The following EML6 variants were observed in gnomAD, a reference collection of about 807,000 sequenced individuals.
The protein encoded by EML6 is EMAP like 6.
Under a neutral mutation model 240.1 loss-of-function variants are expected in EML6, and 154 were observed. The ratio of observed to expected loss-of-function variants is 0.64; its 90% CI spans 0.56 to 0.73. The LOEUF (loss-of-function observed/expected upper bound fraction) is 0.73. Ranked by LOEUF, EML6 falls within the 30% of genes least tolerant of loss-of-function variation. The pLI is 0.00. For missense variants in EML6, 2,964 were observed against 2,474.6 expected (o/e 1.20, Z -4.20); for synonymous variants, 1,148 against 899.0 (o/e 1.28, Z -4.95).
chr2:54,894,355 G>GT (rs1672646958), intron 19 of EML6, among the ~76,000 whole-genome samples: 1 of 152,020 alleles, frequency 6.6e-6, no homozygotes, highest in Non-Finnish European at 1.5e-5. Context: ...TACTTTCCAG[G>GT]TTTTTGTAAA....
At chr2:54,747,131 C>G (rs1479230472) in intron 2 of EML6, 2 of 152,088 alleles carry the variant, frequency 1.3e-5, no homozygotes, top group African/African-American at 4.8e-5. Context: ...TATTAAATAT[C>G]AAGGAGATAC....
At chr2:54,881,668 A>C (rs1671816729) in intron 17 of EML6, 1 of 151,592 alleles carries the variant, frequency 6.6e-6, no homozygotes, top group Non-Finnish European at 1.5e-5. Context: ...AAAAAAAAAA[A>C]AATTTAAACA....
At position 54,968,731 on chromosome 2, in the gene EML6, G is replaced by C; in HGVS notation, c.5815G>C (p.Asp1939His). The C allele has an allele frequency of 6.4e-7, 1 of 1,550,612 alleles. No homozygotes were observed. Among genetic ancestry groups the C allele is most frequent in the Non-Finnish European group, 8.7e-7 (1 of 1,145,878 alleles). The change falls in exon 41 of 42, where the codon GAC becomes CAC. Residue 1939 changes from aspartate (D) to histidine (H), a missense_variant. Coordinates refer to ENST00000356458, the MANE Select transcript of EML6 (RefSeq NM_001039753.4). The part of the protein sequence containing the change: ...HVTNIRFSYD[D>H]KYVVSTGGDD... ...GACGAACATCCGTTTCTCTTATGAT[G>C]ACAAGTATGTGGTCAGCACTGGAGG... is the stretch of plus-strand genomic sequence containing the variant.
chr2:54,773,737 TAA>T (rs780595939), intron 2 of EML6, among the ~76,000 whole-genome samples: 3 of 152,240 alleles, frequency 2.0e-5, no homozygotes, highest in Non-Finnish European at 4.4e-5. Flanking sequence ...CAGCTAACTT[TAA>T]GTTTGCACAC....
intron 19 of EML6, among the ~76,000 whole-genome samples, chr2:54,893,418 A>T (rs1054381128): frequency 5.3e-5 from 8 of 152,122 alleles, no homozygotes; most frequent in African/African-American, 1.7e-4. Flanking sequence ...GAGGGTCCGA[A>T]ATCATCCTTT....
chr2:54,842,359 T>C (rs943213359), intron 7 of EML6, among the ~76,000 whole-genome samples: 2 of 152,236 alleles, frequency 1.3e-5, no homozygotes, highest in African/African-American at 4.8e-5. Context: ...AGCTGCTTCC[T>C]TAGTCAAATA....
intron 2 of EML6, among the ~76,000 whole-genome samples, chr2:54,740,564 A>G (rs1683585702): frequency 6.6e-6 from 1 of 152,164 alleles, no homozygotes. Flanking sequence ...AGCAATACGA[A>G]TGTCCAAGGG....
chr2:54,916,116 T>C (rs961335362), intron 25 of EML6, among the ~76,000 whole-genome samples: 6 of 152,258 alleles, frequency 3.9e-5, no homozygotes, highest in African/African-American at 1.2e-4. Flanking sequence ...GTAGTCTCTC[T>C]AGAGCATACA....
intron 2 of EML6, among the ~76,000 whole-genome samples, chr2:54,797,982 C>T (rs1669912096): frequency 6.6e-6 from 1 of 151,958 alleles, no homozygotes; most frequent in Non-Finnish European, 1.5e-5. Flanking sequence ...TATTCTAGGA[C>T]CCTTGTACTT....
chr2:54,913,651 A>G (rs2104302171), intron 25 of EML6, among the ~76,000 whole-genome samples: 1 of 152,228 alleles, frequency 6.6e-6, no homozygotes, highest in Middle Eastern at 3.4e-3. Context: ...CCCTTTAGTT[A>G]ATTAAACTCA....
chr2:54,886,485 T>C (rs1470917022), intron 17 of EML6, among the ~76,000 whole-genome samples: 2 of 152,090 alleles, frequency 1.3e-5, no homozygotes, highest in African/African-American at 4.8e-5. Flanking sequence ...CTTTCTTCTA[T>C]TATTCAGCTT....
At chr2:54,868,135 C>G (rs1671068608) in intron 14 of EML6, 1 of 152,110 alleles carries the variant, frequency 6.6e-6, no homozygotes, top group Non-Finnish European at 1.5e-5. Flanking sequence ...ATAGTAATAT[C>G]TTAGATGTGT....
At chr2:54,944,467 C>G (rs1223535262) in intron 28 of EML6, among the ~76,000 whole-genome samples, 1 of 152,110 alleles carries the variant, frequency 6.6e-6, no homozygotes, top group African/African-American at 2.4e-5. Flanking sequence ...AACCACTGCT[C>G]CAGTCAAGTG....
chr2:54,843,679 C>T (rs369296745), intron 7 of EML6, among the ~76,000 whole-genome samples: 52 of 151,934 alleles, frequency 3.4e-4, no homozygotes, highest in African/African-American at 1.3e-3. Context: ...CCCGTCTCCA[C>T]TAAAAATACA....
At chr2:54,945,421 A>T (rs1035035939) in intron 28 of EML6, among the ~76,000 whole-genome samples, 5 of 151,984 alleles carry the variant, frequency 3.3e-5, no homozygotes, top group African/African-American at 9.7e-5. Context: ...TTGTCTGATG[A>T]ACACGACTCA....
At chr2:54,867,461 A>G (rs1029112297) in intron 14 of EML6, 1 of 152,244 alleles carries the variant, frequency 6.6e-6, no homozygotes, top group African/African-American at 2.4e-5. Context: ...GATTCTCACT[A>G]TGATCAACTT....
chr2:54,789,482 C>G (rs1458630511), intron 2 of EML6, among the ~76,000 whole-genome samples: 1 of 135,092 alleles, frequency 7.4e-6, no homozygotes, highest in African/African-American at 2.7e-5. Flanking sequence ...CCACTGCACT[C>G]CCGCCTGGGC....
intron 8 of EML6, among the ~76,000 whole-genome samples, chr2:54,846,432 T>C (rs1352945884): frequency 6.6e-6 from 1 of 151,664 alleles, no homozygotes; most frequent in Non-Finnish European, 1.5e-5. Context: ...TTGAGAGATA[T>C]ATATTTGTGT....
chr2:54,763,911 A>G (rs1238428047), intron 2 of EML6, among the ~76,000 whole-genome samples: 1 of 152,190 alleles, frequency 6.6e-6, no homozygotes, highest in South Asian at 2.1e-4. Context: ...CAAGATCTCC[A>G]GCCCTGAAGG....
Sources: gnomAD v4.1 joint callset for allele counts (sites outside exome capture counted in the v4.1 genomes callset) on GRCh38, gnomAD v4.1.1 for gene constraint, MANE v1.5 for transcripts, NCBI Gene and HGNC (gene_info 2026-07-23, HGNC 2026-07-21) for gene names.